PHKA2: variants seen among roughly 807,000 people sequenced by gnomAD.
PHKA2 encodes the protein phosphorylase kinase regulatory subunit alpha 2, also known as phosphorylase b kinase regulatory subunit alpha, liver isoform.
In PHKA2, 31 loss-of-function variants were observed where a neutral mutation model predicts 102.0. The observed-to-expected ratio is 0.30, with a 90% CI of 0.23 to 0.41. PHKA2 has a LOEUF of 0.41. Ranked by LOEUF, PHKA2 falls within the 10% of genes least tolerant of loss-of-function variation. The probability of loss-of-function intolerance (pLI) is 1.00; values close to 1 mark genes in which losing one functional copy is unlikely to be tolerated. For missense variants in PHKA2, 858 were observed against 1,023.1 expected, an observed-to-expected ratio of 0.84 and a Z score of 2.20; for synonymous variants, 455 against 416.2, an observed-to-expected ratio of 1.09 and a Z score of -1.13.
At chrX:18,959,496 A>C (rs2148007316) in intron 1 of PHKA2, among the ~76,000 whole-genome samples, 1 of 111,537 alleles carries the variant, frequency 9.0e-6, no homozygotes, top group South Asian at 3.8e-4. Flanking sequence ...TGGTGAAGAT[A>C]TTTTATCACA....
In PHKA2 at chrX:18,951,106, G is replaced by A; in HGVS notation, c.452C>T (p.Ser151Leu). ...GGGCTCCAGCAACCCCAGCTCACCT[G>A]AGGCGGTCATCTGGGCCAGGAACAG... ...FLLFLAQMTA[S>L]GLRIIFTLDE... Residue 151 changes from serine (S) to leucine (L), a missense_variant and splice_region_variant, in exon 4 of 33, where the codon TCA (serine) becomes TTA (leucine). Physicochemically the swap from Ser to Leu is moderately radical, Grantham distance 145. This residue lies in a region of PHKA2 where 187 missense variants were observed against 277.9 expected (regional missense o/e 0.67). Coordinates refer to ENST00000379942, the MANE Select transcript of PHKA2 (RefSeq NM_000292.3). 8.3e-7 allele frequency: 1 copy of A among 1,211,233 alleles called. No individual in the cohort carries two copies. The highest frequency in any genetic ancestry group is 1.1e-6 in the Non-Finnish European group (1 of 894,799).
intron 1 of PHKA2, among the ~76,000 whole-genome samples, chrX:18,974,952 G>A (rs1447238563): frequency 9.1e-6 from 1 of 110,002 alleles, no homozygotes; most frequent in Non-Finnish European, 1.9e-5. Flanking sequence ...CACTTTTGGG[G>A]GTCTCCTCTT....
chrX:18,970,287 T>C (rs2049002970), intron 1 of PHKA2, among the ~76,000 whole-genome samples: 1 of 112,435 alleles, frequency 8.9e-6, no homozygotes, highest in African/African-American at 3.2e-5. Context: ...AATGTGTGCA[T>C]TGTGGCATGG....
At position 18,906,822 on chromosome X, in the gene PHKA2, G is replaced by A; in HGVS notation, c.2598-8C>T. On this transcript the variant is annotated splice_region_variant and splice_polypyrimidine_tract_variant and intron_variant, in intron 23 of 32. Coordinates refer to ENST00000379942, the MANE Select transcript of PHKA2 (RefSeq NM_000292.3). ...TCCTCTGGGGGAAGGGGCCTAGAAA[G>A]GAGCATTGTGTCACGAATGTGATGA... The A allele has an allele frequency of 8.4e-7, 1 of 1,197,422 alleles. No individual in the cohort carries two copies. The highest frequency in any genetic ancestry group is 1.1e-6 in the Non-Finnish European group (1 of 882,066).
At position 18,918,708 on chromosome X, in the gene PHKA2, C is replaced by A; in HGVS notation, c.2110G>T (p.Ala704Ser). Residue 704 changes from alanine (A) to serine (S), a missense_variant, in exon 19 of 33, where the codon GCA becomes TCA. Physicochemically the swap from Ala to Ser is moderately conservative, Grantham distance 99. Transcript: ENST00000379942. ...HSTRDILSVM[A>S]KAKGLEVPFV... ...GGAACTTCCAAACCCTTTGCTTTTG[C>A]CATCACAGAAAGTATGTCCCGCGTG... 1 of 1,210,717 alleles carries A rather than the reference C, an allele frequency of 8.3e-7. No homozygotes were observed. Among genetic ancestry groups the A allele is most frequent in the Non-Finnish European group, 1.1e-6 (1 of 894,502 alleles).
chrX:18,893,454 TGA>T lies in PHKA2; in HGVS notation c.*29_*30del, dbSNP rs1350918504. Reference sequence around the variant, plus strand: ...TAAGGCTAGGGGGCACGTGACAGATTGAGAGTGTGATCATGTTTCCAGGTGAG... The same window carrying T: ...TAAGGCTAGGGGGCACGTGACAGATTGAGTGTGATCATGTTTCCAGGTGAG... On this transcript the variant is annotated 3_prime_UTR_variant, in exon 33 of 33. Coordinates refer to ENST00000379942, the MANE Select transcript of PHKA2 (RefSeq NM_000292.3). 2.5e-6 allele frequency: 3 copies of T among 1,193,939 alleles called. No homozygotes were observed. The highest frequency in any genetic ancestry group is 3.4e-6 in the Non-Finnish European group (3 of 879,722).
intron 1 of PHKA2, among the ~76,000 whole-genome samples, chrX:18,955,129 T>C (rs1377643108): frequency 1.8e-5 from 2 of 112,330 alleles, no homozygotes. Context: ...ATAAACGAAA[T>C]GCGGTCTATA....
chrX:18,910,800 G>T, intron 20 of PHKA2, 72 bp downstream of exon 20: 1 of 597,300 alleles, frequency 1.7e-6, no homozygotes, highest in Non-Finnish European at 2.8e-6. Context: ...TTAGCCATTT[G>T]GAAGAGTTTG....
chrX:18,910,963 G>A lies in PHKA2; in HGVS notation c.2138-3C>T, dbSNP rs2047912870. On this transcript the variant is annotated splice_polypyrimidine_tract_variant and splice_region_variant and intron_variant, in intron 19 of 32. Coordinates refer to ENST00000379942, the MANE Select transcript of PHKA2 (RefSeq NM_000292.3). ...AGTCGGCAAAGTCATGGGAACAACT[G>A]GAAAACAAAAGAATAAAGAGAGTTA... is the stretch of plus-strand genomic sequence containing the variant. 1 of 1,143,159 alleles carries A rather than the reference G, an allele frequency of 8.7e-7. No homozygotes were observed. The highest frequency in any genetic ancestry group is 2.2e-5 in the Admixed American group (1 of 44,583). The allele number at this position is 1,143,159 out of a possible 1,213,427, so 94.2% of individuals were successfully genotyped here. A position where few individuals can be genotyped will look rare whatever the true frequency, so the allele number is the denominator to read the frequency against.
chrX:18,933,594 C>G (rs1174751779), intron 11 of PHKA2, among the ~76,000 whole-genome samples: 1 of 112,523 alleles, frequency 8.9e-6, no homozygotes, highest in African/African-American at 3.2e-5. Flanking sequence ...CCCAGGGCTG[C>G]GGCTACCCTG....
intron 1 of PHKA2, among the ~76,000 whole-genome samples, chrX:18,960,862 C>T (rs1479610497): frequency 1.8e-5 from 2 of 112,244 alleles, no homozygotes; most frequent in African/African-American, 6.5e-5. Context: ...AAGGAATAAA[C>T]ACATAGATGG....
At chrX:18,937,043 A>C (rs1010157258) in intron 10 of PHKA2, among the ~76,000 whole-genome samples, 1 of 111,649 alleles carries the variant, frequency 9.0e-6, no homozygotes, top group East Asian at 2.8e-4. Context: ...CCTAAGAGAA[A>C]GCATCAACAG....
At position 18,926,503 on chromosome X, in the gene PHKA2, G is replaced by C; in HGVS notation, c.1409C>G (p.Pro470Arg). ...AATCCGGCCCGGCTGGACTTGAATT[G>C]GATGAATGTCCGCGATACTCTGGAC... ...VNVQSIADIHPIQVQPGRILS... is the reference protein window; with the variant it reads ...VNVQSIADIHRIQVQPGRILS... Residue 470 changes from proline to arginine, a missense_variant, in exon 14 of 33, where the codon CCA becomes CGA. Coordinates refer to ENST00000379942, the MANE Select transcript of PHKA2 (RefSeq NM_000292.3). 4.2e-6 allele frequency: 5 copies of C among 1,197,496 alleles called. No individual in the cohort carries two copies. The highest frequency in any genetic ancestry group is 5.7e-6 in the Non-Finnish European group (5 of 882,325).
chrX:18,926,369 T>G lies in PHKA2; in HGVS notation c.1459+84A>C. On this transcript the variant is annotated intron_variant, in intron 14 of 32. Transcript: ENST00000379942. ...TTTGTCCAAGTCTTTAGAACTTACG[T>G]ATATCACAGTCTCCCTCAGACCCCA... 4.0e-6 allele frequency: 3 copies of G among 757,708 alleles called. No individual in the cohort carries two copies. In the East Asian group the frequency reaches 9.5e-5, roughly 24 times the overall value. 62.4% of individuals were successfully genotyped at this position (757,708 alleles called of 1,213,427 possible).
intron 17 of PHKA2, among the ~76,000 whole-genome samples, chrX:18,923,524 T>C (rs2048161018): frequency 8.9e-6 from 1 of 111,919 alleles, no homozygotes; most frequent in South Asian, 3.8e-4. Flanking sequence ...ACGTCTTCCC[T>C]ACTTGGGGCC....
chrX:18,921,004 G>A, intron 17 of PHKA2, among the ~76,000 whole-genome samples: 1 of 111,970 alleles, frequency 8.9e-6, no homozygotes, highest in Non-Finnish European at 1.9e-5. Context: ...AGTATCAGAG[G>A]TGCCAGAGCT....
intron 1 of PHKA2, among the ~76,000 whole-genome samples, chrX:18,961,659 C>CAAAA (rs1290808888): frequency 4.0e-5 from 1 of 24,904 alleles, no homozygotes; most frequent in Non-Finnish European, 7.9e-5. Context: ...GACTCCATCT[C>CAAAA]AAAAAAAAAA....
chrX:18,977,250 C>CA (rs202154751), intron 1 of PHKA2, among the ~76,000 whole-genome samples: 6,611 of 108,683 alleles, frequency 0.061, 491 homozygotes, highest in African/African-American at 0.21. Context: ...GCATTTTGGC[C>CA]AAAAAAAAAT....
rs770211978 is a variant in PHKA2 at position 18,975,207 on chromosome X, C to T, written c.78+8648G>A. Among the ~76,000 whole-genome samples the T allele has an allele frequency of 5.4e-5, 6 of 111,859 alleles. No individual in the cohort carries two copies. In the East Asian group the frequency reaches 1.1e-3, roughly 21 times the overall value. Reference sequence around the variant, plus strand: ...TTGAATTGTACTCCCACAATTCCCACATGTTGTAGGAGGGACCTGGTGGGA... The same window carrying T: ...TTGAATTGTACTCCCACAATTCCCATATGTTGTAGGAGGGACCTGGTGGGA... On this transcript the variant is annotated intron_variant, in intron 1 of 32. Coordinates refer to ENST00000379942, the MANE Select transcript of PHKA2 (RefSeq NM_000292.3).
Sources: gnomAD v4.1 joint callset for allele counts (sites outside exome capture counted in the v4.1 genomes callset) on GRCh38, gnomAD v4.1.1 for gene constraint, gnomAD v4.1.1 regional missense constraint, MANE v1.5 for transcripts, NCBI Gene and HGNC (gene_info 2026-07-23, HGNC 2026-07-21) for gene names.